The following TLNRD1 variants were observed in gnomAD, a reference collection of about 807,000 sequenced individuals.
TLNRD1 encodes talin rod domain containing 1, also known as talin rod domain-containing protein 1.
A neutral mutation model predicts 19.5 loss-of-function variants in TLNRD1; 14 were observed. The observed-to-expected ratio is 0.72, with a 90% CI of 0.47 to 1.12. TLNRD1 has a LOEUF of 1.12. Ranked by LOEUF, TLNRD1 falls within the 50% of genes most tolerant of loss-of-function variation. TLNRD1 has a pLI of 0.00. For missense variants in TLNRD1, 569 were observed against 531.9 expected (o/e 1.07, Z -0.69); for synonymous variants, 345 against 261.7 (o/e 1.32, Z -3.07).
Position 81,004,857 on chromosome 15 carries a change from A to C in TLNRD1, c.*1497A>C, listed in dbSNP as rs1293664748. 6.0e-6 allele frequency: 1 copy of C among 167,128 alleles called. No homozygotes were observed. The highest frequency in any genetic ancestry group is 1.5e-5 in the Non-Finnish European group (1 of 68,126). 10.4% of individuals were successfully genotyped at this position (167,128 alleles called of 1,614,324 possible). A position where few individuals can be genotyped will look rare whatever the true frequency, so the allele number is the denominator to read the frequency against. On this transcript the variant is annotated 3_prime_UTR_variant, in exon 1 of 1. Coordinates refer to ENST00000267984, the MANE Select transcript of TLNRD1 (RefSeq NM_022566.3). ...CTAAAAGCACAACAAATCTATTTAC[A>C]GTGCCTGAAGCCTGGGAGAGCCACA... is the stretch of plus-strand genomic sequence containing the variant.
Position 81,004,613 on chromosome 15 carries a change from T to C in TLNRD1, c.*1253T>C, listed in dbSNP as rs1223553946. 3 of 167,218 alleles carry C rather than the reference T, an allele frequency of 1.8e-5. No individual in the cohort carries two copies. The highest frequency in any genetic ancestry group is 3.9e-4 in the East Asian group (2 of 5,194). 10.4% of individuals were successfully genotyped at this position (167,218 alleles called of 1,614,324 possible). ...CCTGGAAAGCTTGTTAAGAACGTTCTAGAGCCACAACATGATTGTAGGCCA... is the reference window on the plus strand; with the variant it reads ...CCTGGAAAGCTTGTTAAGAACGTTCCAGAGCCACAACATGATTGTAGGCCA... On this transcript the variant is annotated 3_prime_UTR_variant, in exon 1 of 1. Coordinates refer to ENST00000267984, the MANE Select transcript of TLNRD1 (RefSeq NM_022566.3).
rs771574146 is a variant in TLNRD1, at chr15:81,003,375, AC to A, written c.*19del. The A allele has an allele frequency of 1.9e-6, 3 of 1,566,124 alleles. No homozygotes were observed. The East Asian group carries it at 6.8e-5, about 36-fold the overall frequency. ...CTGTGAATTAGCACCCCACCCCCAT[AC>A]CCCTTCTTCCACCCCCAGACTAAAG... is the stretch of plus-strand genomic sequence containing the variant. On this transcript the variant is annotated 3_prime_UTR_variant, in exon 1 of 1. Coordinates refer to ENST00000267984, the MANE Select transcript of TLNRD1 (RefSeq NM_022566.3).
Position 81,003,173 on chromosome 15 carries a change from T to G in TLNRD1, c.902T>G (p.Leu301Arg). 1 of 1,581,528 alleles carries G rather than the reference T, an allele frequency of 6.3e-7. No individual in the cohort carries two copies. The highest frequency in any genetic ancestry group is 8.6e-7 in the Non-Finnish European group (1 of 1,164,000). Residue 301 changes from leucine to arginine, a missense_variant, in exon 1 of 1, where the codon CTC (leucine) becomes CGC (arginine). Transcript: ENST00000267984. ...GAMSVVSACV[L>R]LTQCLRDLAQ... ...ATGAGCGTGGTGTCGGCCTGCGTGCTCCTGACCCAGTGCCTCAGGGATCTG... is the reference window on the plus strand; with the variant it reads ...ATGAGCGTGGTGTCGGCCTGCGTGCGCCTGACCCAGTGCCTCAGGGATCTG...
At position 81,005,622 on chromosome 15, in the gene TLNRD1, T is replaced by A. The variant is rs367676276; in HGVS notation, c.*2262T>A. 1.0e-4 allele frequency: 17 copies of A among 166,936 alleles called. No individual in the cohort carries two copies. In the East Asian group the frequency reaches 1.4e-3, roughly 13 times the overall value. 10.3% of individuals were successfully genotyped at this position (166,936 alleles called of 1,614,324 possible). A position where few individuals can be genotyped will look rare whatever the true frequency, so the allele number is the denominator to read the frequency against. ...CTCAAGCCAATTAAAAAAAAGAAAATCACTTTCCCTATCTGTTTGGATGAA... is the reference window on the plus strand; with the variant it reads ...CTCAAGCCAATTAAAAAAAAGAAAAACACTTTCCCTATCTGTTTGGATGAA... On this transcript the variant is annotated 3_prime_UTR_variant, in exon 1 of 1. Coordinates refer to ENST00000267984, the MANE Select transcript of TLNRD1 (RefSeq NM_022566.3).
rs1211480859 is a variant in TLNRD1, at chr15:81,003,144, C to T, written c.873C>T (p.Gly291=). The T allele has an allele frequency of 5.1e-6, 8 of 1,564,912 alleles. No homozygotes were observed. The East Asian group carries it at 7.1e-5, about 14-fold the overall frequency. Reference sequence around the variant, plus strand: ...CGGTGCAGACCGCCATCCTGGGCGGCGCCATGAGCGTGGTGTCGGCCTGCG... The same window carrying T: ...CGGTGCAGACCGCCATCCTGGGCGGTGCCATGAGCGTGGTGTCGGCCTGCG... The part of the protein sequence containing the change: ...GKAVQTAILG[G]AMSVVSACVL... The change falls in exon 1 of 1, where the codon GGC becomes GGT. Residue 291 remains glycine, a synonymous_variant. Coordinates refer to ENST00000267984, the MANE Select transcript of TLNRD1 (RefSeq NM_022566.3).
rs1177648562 is a variant in TLNRD1 at position 81,001,415 on chromosome 15, G to T, written c.-857G>T. 1.3e-5 allele frequency: 2 copies of T among 151,276 alleles called. No individual in the cohort carries two copies. Among genetic ancestry groups the T allele is most frequent in the Non-Finnish European group, 2.9e-5 (2 of 67,798 alleles). The allele number at this position is 151,276 out of a possible 1,614,324, so 9.4% of individuals were successfully genotyped here. On this transcript the variant is annotated 5_prime_UTR_variant, in exon 1 of 1. Coordinates refer to ENST00000267984, the MANE Select transcript of TLNRD1 (RefSeq NM_022566.3). ...GCGCCGGGCCGCGCTCTGTGAACCG[G>T]CGAGGCGGGAAGGGGCCGCCGTGGT...
rs1327771262 is a variant in TLNRD1, at chr15:81,005,021, AG to A, written c.*1662del. The A allele has an allele frequency of 6.0e-6, 1 of 167,082 alleles. No homozygotes were observed. The highest frequency in any genetic ancestry group is 1.5e-5 in the Non-Finnish European group (1 of 68,118). 10.3% of individuals were successfully genotyped at this position (167,082 alleles called of 1,614,324 possible). ...TAATACATTAAGAGAGAGAGAAAAA[AG>A]TCATATTGACTATTTTACTTGTTTG... is the stretch of plus-strand genomic sequence containing the variant. On this transcript the variant is annotated 3_prime_UTR_variant, in exon 1 of 1. Transcript: ENST00000267984.
At position 81,002,587 on chromosome 15, in the gene TLNRD1, G is replaced by A. The variant is rs761703741; in HGVS notation, c.316G>A (p.Gly106Arg). ...GAGCCAGCTCAACATGGGCCGCTTC[G>A]GGGAGGCGGGGGACAGCCTGGTGGA... Reference protein sequence around the residue: ...VQSQLNMGRFGEAGDSLVELG... With the variant: ...VQSQLNMGRFREAGDSLVELG... The change falls in exon 1 of 1, where the codon GGG becomes AGG. Residue 106 changes from glycine (G) to arginine (R), a missense_variant. Transcript: ENST00000267984. The A allele has an allele frequency of 2.7e-6, 4 of 1,472,438 alleles. No individual in the cohort carries two copies. Among genetic ancestry groups the A allele is most frequent in the Non-Finnish European group, 3.6e-6 (4 of 1,120,006 alleles). 91.2% of individuals were successfully genotyped at this position (1,472,438 alleles called of 1,614,324 possible). A position where few individuals can be genotyped will look rare whatever the true frequency, so the allele number is the denominator to read the frequency against.
Position 81,002,766 on chromosome 15 carries a change from C to A in TLNRD1, c.495C>A (p.Ala165=), listed in dbSNP as rs1015216082. Residue 165 remains alanine, a synonymous_variant, in exon 1 of 1, where the codon GCC becomes GCA. Transcript: ENST00000267984. ...RCRHEVEQGC[A]VLRATPLADM... ...GCCACGAGGTGGAGCAGGGTTGCGCCGTGCTGCGCGCCACGCCGCTGGCCG... is the reference window on the plus strand; with the variant it reads ...GCCACGAGGTGGAGCAGGGTTGCGCAGTGCTGCGCGCCACGCCGCTGGCCG... 6 of 1,541,658 alleles carry A rather than the reference C, an allele frequency of 3.9e-6. No homozygotes were observed. Among genetic ancestry groups the A allele is most frequent in the East Asian group, 4.8e-5 (2 of 41,562 alleles).
At position 81,002,298 on chromosome 15, in the gene TLNRD1, C is replaced by T. The variant is rs763508878; in HGVS notation, c.27C>T (p.Pro9=). Residue 9 remains proline (P), a synonymous_variant, in exon 1 of 1, where the codon CCC becomes CCT. Transcript: ENST00000267984. MASGSAGK[P]TGEAASPAPA... ...TGGCTAGCGGCAGCGCCGGGAAGCCCACTGGCGAGGCGGCTTCTCCGGCTC... is the reference window on the plus strand; with the variant it reads ...TGGCTAGCGGCAGCGCCGGGAAGCCTACTGGCGAGGCGGCTTCTCCGGCTC... 3.5e-5 allele frequency: 47 copies of T among 1,335,648 alleles called. No homozygotes were observed. Among genetic ancestry groups the T allele is most frequent in the Non-Finnish European group, 4.5e-5 (47 of 1,038,850 alleles). 82.7% of individuals were successfully genotyped at this position (1,335,648 alleles called of 1,614,324 possible). A position where few individuals can be genotyped will look rare whatever the true frequency, so the allele number is the denominator to read the frequency against.
At position 81,003,167 on chromosome 15, in the gene TLNRD1, G is replaced by C; in HGVS notation, c.896G>C (p.Cys299Ser). 2 of 1,576,346 alleles carry C rather than the reference G, an allele frequency of 1.3e-6. No homozygotes were observed. The highest frequency in any genetic ancestry group is 1.7e-6 in the Non-Finnish European group (2 of 1,161,152). ...GGCGCCATGAGCGTGGTGTCGGCCT[G>C]CGTGCTCCTGACCCAGTGCCTCAGG... The part of the protein sequence containing the change: ...LGGAMSVVSA[C>S]VLLTQCLRDL... The change falls in exon 1 of 1, where the codon TGC (cysteine) becomes TCC (serine). Residue 299 changes from cysteine (C) to serine (S), a missense_variant. Cys to Ser is a moderately radical substitution (Grantham distance 112). Transcript: ENST00000267984.
Position 81,003,284 on chromosome 15 carries a change from C to T in TLNRD1, c.1013C>T (p.Thr338Ile), listed in dbSNP as rs1261257571. 1.2e-6 allele frequency: 2 copies of T among 1,611,708 alleles called. No individual in the cohort carries two copies. The highest frequency in any genetic ancestry group is 1.7e-6 in the Non-Finnish European group (2 of 1,179,432). Residue 338 changes from threonine to isoleucine, a missense_variant, in exon 1 of 1, where the codon ACC becomes ATC. Coordinates refer to ENST00000267984, the MANE Select transcript of TLNRD1 (RefSeq NM_022566.3). The stretch of plus-strand genomic sequence containing the variant: ...GCCTGCGCCGTGTCTGAAGGCTGCA[C>T]CCTGCTATCTCAGGCTTTAAGGGAG... ...NSACAVSEGC[T>I]LLSQALRERS...
chr15:81,004,548 T>C lies in TLNRD1; in HGVS notation c.*1188T>C, dbSNP rs1023167769. The C allele has an allele frequency of 1.8e-5, 3 of 167,014 alleles. No individual in the cohort carries two copies. The South Asian group carries it at 6.2e-4, about 35-fold the overall frequency. 10.3% of individuals were successfully genotyped at this position (167,014 alleles called of 1,614,324 possible). On this transcript the variant is annotated 3_prime_UTR_variant, in exon 1 of 1. Coordinates refer to ENST00000267984, the MANE Select transcript of TLNRD1 (RefSeq NM_022566.3). ...GATCCTCATGATTTCAGAAAAAATA[T>C]AGAGAGGGTCCTAGACTGCTTAATA...
chr15:81,002,895 C>G lies in TLNRD1; in HGVS notation c.624C>G (p.Arg208=). The stretch of plus-strand genomic sequence containing the variant: ...TGGCCAGTGACAAGTCACGGGACCG[C>G]TTTTCGCGGGAGCAGTTCAAGCTGG... ...CALASDKSRD[R]FSREQFKLGV... Residue 208 remains arginine, a synonymous_variant, in exon 1 of 1, where the codon CGC becomes CGG. Coordinates refer to ENST00000267984, the MANE Select transcript of TLNRD1 (RefSeq NM_022566.3). The G allele has an allele frequency of 6.3e-7, 1 of 1,597,384 alleles. No homozygotes were observed. Among genetic ancestry groups the G allele is most frequent in the Non-Finnish European group, 8.5e-7 (1 of 1,178,902 alleles).
At position 81,002,722 on chromosome 15, in the gene TLNRD1, T is replaced by C; in HGVS notation, c.451T>C (p.Tyr151His). ...QPAQPGLVDR[Y>H]RVTRCRHEVE... ...CGCGCAGCCGGGCCTGGTGGACCGC[T>C]ACCGCGTGACGCGATGCCGCCACGA... The change falls in exon 1 of 1, where the codon TAC (tyrosine) becomes CAC (histidine). Residue 151 changes from tyrosine to histidine, a missense_variant. Physicochemically the swap from Tyr to His is moderately conservative, Grantham distance 83. Coordinates refer to ENST00000267984, the MANE Select transcript of TLNRD1 (RefSeq NM_022566.3). 6.5e-7 allele frequency: 1 copy of C among 1,533,026 alleles called. No homozygotes were observed. Among genetic ancestry groups the C allele is most frequent in the Non-Finnish European group, 8.7e-7 (1 of 1,145,592 alleles). The allele number at this position is 1,533,026 out of a possible 1,614,324, so 95.0% of individuals were successfully genotyped here.
In TLNRD1 at chr15:81,003,999, C is replaced by T. The variant is rs978872043; in HGVS notation, c.*639C>T. On this transcript the variant is annotated 3_prime_UTR_variant, in exon 1 of 1. Coordinates refer to ENST00000267984, the MANE Select transcript of TLNRD1 (RefSeq NM_022566.3). ...TTTCATCTATTAAAATGTTATGTTT[C>T]TCAGATGGCTTTTTGCAATTATTGT... The T allele has an allele frequency of 6.0e-6, 1 of 166,650 alleles. No homozygotes were observed. The highest frequency in any genetic ancestry group is 2.4e-5 in the African/African-American group (1 of 41,270). The allele number at this position is 166,650 out of a possible 1,614,324, so 10.3% of individuals were successfully genotyped here. A position where few individuals can be genotyped will look rare whatever the true frequency, so the allele number is the denominator to read the frequency against.
Position 81,002,182 on chromosome 15 carries a change from G to A in TLNRD1, c.-90G>A. ...AGGCACCGCGGCCTTGGCCAGCTGA[G>A]TCGCGACGGCCGCCGGGGCGGCGGC... On this transcript the variant is annotated 5_prime_UTR_variant, in exon 1 of 1. Transcript: ENST00000267984. The A allele has an allele frequency of 8.4e-7, 1 of 1,197,140 alleles. No individual in the cohort carries two copies. The highest frequency in any genetic ancestry group is 1.0e-6 in the Non-Finnish European group (1 of 964,496). The allele number at this position is 1,197,140 out of a possible 1,614,324, so 74.2% of individuals were successfully genotyped here.
Position 81,002,698 on chromosome 15 carries a change from G to T in TLNRD1, c.427G>T (p.Ala143Ser). ...TGTGGCCACGCCGGGCGCCCAGCCCGCGCAGCCGGGCCTGGTGGACCGCTA... is the reference window on the plus strand; with the variant it reads ...TGTGGCCACGCCGGGCGCCCAGCCCTCGCAGCCGGGCCTGGTGGACCGCTA... ...AAVATPGAQP[A>S]QPGLVDRYRV... Residue 143 changes from alanine (A) to serine (S), a missense_variant, in exon 1 of 1, where the codon GCG (alanine) becomes TCG (serine). Physicochemically the swap from Ala to Ser is moderately conservative, Grantham distance 99. Coordinates refer to ENST00000267984, the MANE Select transcript of TLNRD1 (RefSeq NM_022566.3). 6.7e-7 allele frequency: 1 copy of T among 1,496,430 alleles called. No individual in the cohort carries two copies. Among genetic ancestry groups the T allele is most frequent in the Non-Finnish European group, 8.8e-7 (1 of 1,131,970 alleles). The allele number at this position is 1,496,430 out of a possible 1,614,324, so 92.7% of individuals were successfully genotyped here. A position where few individuals can be genotyped will look rare whatever the true frequency, so the allele number is the denominator to read the frequency against.
In TLNRD1 at chr15:81,002,765, C is replaced by T. The variant is rs1488853234; in HGVS notation, c.494C>T (p.Ala165Val). ...CGCCACGAGGTGGAGCAGGGTTGCG[C>T]CGTGCTGCGCGCCACGCCGCTGGCC... ...RCRHEVEQGC[A>V]VLRATPLADM... is the part of the protein sequence containing the mutation. The change falls in exon 1 of 1, where the codon GCC becomes GTC. Residue 165 changes from alanine to valine, a missense_variant. Physicochemically the swap from Ala to Val is moderately conservative, Grantham distance 64. Coordinates refer to ENST00000267984, the MANE Select transcript of TLNRD1 (RefSeq NM_022566.3). The T allele has an allele frequency of 6.5e-7, 1 of 1,541,304 alleles. No homozygotes were observed. The highest frequency in any genetic ancestry group is 1.4e-5 in the African/African-American group (1 of 73,576).
Sources: allele counts gnomAD v4.1 joint callset, GRCh38; gene constraint gnomAD v4.1.1; transcripts MANE v1.5; gene names NCBI Gene and HGNC (gene_info 2026-07-23, HGNC 2026-07-21).